GPRC5A: variants seen among roughly 807,000 people sequenced by gnomAD.
The protein encoded by GPRC5A is retinoic acid-induced protein 3.
GPRC5A carries 19 observed loss-of-function variants against 22.5 expected under a neutral mutation model. The ratio of observed to expected loss-of-function variants is 0.85; its 90% CI spans 0.59 to 1.24. GPRC5A has a LOEUF of 1.24. GPRC5A is among the 50% of genes most tolerant of loss of function. The pLI, the probability that GPRC5A is intolerant of heterozygous loss-of-function variation, is 0.00. For synonymous variants in GPRC5A, 192 were observed against 184.5 expected, an observed-to-expected ratio of 1.04 and a Z score of -0.33; for missense variants, 471 against 451.1, an observed-to-expected ratio of 1.04 and a Z score of -0.40.
rs752952151 is a variant in GPRC5A, at chr12:12,912,093, A to G, written c.932A>G (p.Glu311Gly). The G allele has an allele frequency of 3.7e-5, 60 of 1,612,566 alleles. No individual in the cohort carries two copies. Among genetic ancestry groups the G allele is most frequent in the Non-Finnish European group, 5.0e-5 (59 of 1,178,714 alleles). The change falls in exon 3 of 4, where the codon GAG (glutamate) becomes GGG (glycine). Residue 311 changes from glutamate to glycine, a missense_variant. By Grantham distance (98) the Glu-to-Gly change is moderately conservative. Transcript: ENST00000014914. ...SQEEITQGFEETGDTLYAPYS... is the reference protein window; with the variant it reads ...SQEEITQGFEGTGDTLYAPYS... ...TGTTCCTCCATTTCAGGTTTTGAAG[A>G]GACAGGGGACACGCTCTATGCCCCC...
In GPRC5A at chr12:12,908,521, G is replaced by A; in HGVS notation, c.272G>A (p.Gly91Glu). The A allele has an allele frequency of 6.2e-7, 1 of 1,614,170 alleles. No homozygotes were observed. Among genetic ancestry groups the A allele is most frequent in the Non-Finnish European group, 8.5e-7 (1 of 1,180,036 alleles). Residue 91 changes from glycine (G) to glutamate (E), a missense_variant, in exon 2 of 4, where the codon GGG becomes GAG. By Grantham distance (98) the Gly-to-Glu change is moderately conservative (BLOSUM62 -2). Transcript: ENST00000014914. Reference protein sequence around the residue: ...LTFAFIIGLDGSTGPTRFFLF... With the variant: ...LTFAFIIGLDESTGPTRFFLF... ...TTCGCCTTCATCATCGGACTGGACG[G>A]GAGCACAGGGCCCACACGCTTCTTC...
chr12:12,909,327 C>T (rs1464482466), intron 2 of GPRC5A, 156 bp downstream of exon 2: 3 of 609,136 alleles, frequency 4.9e-6, no homozygotes, highest in South Asian at 2.2e-5. Flanking sequence ...TTAAAGTCGT[C>T]CAGCCTGTTA....
intron 1 of GPRC5A, among the ~76,000 whole-genome samples, chr12:12,899,231 C>T (rs1421937880): frequency 6.6e-6 from 1 of 152,222 alleles, no homozygotes; most frequent in East Asian, 1.9e-4. Flanking sequence ...CAGCGGGGGT[C>T]TCACTATGCT....
In GPRC5A at chr12:12,914,594, T is replaced by TTCTTTCTTTTTCTTTCTTTCTTTC. The variant is rs59721062; in HGVS notation, c.*2058_*2059insTTCTTTTTCTTTCTTTCTTTCTCT. On this transcript the variant is annotated 3_prime_UTR_variant, in exon 4 of 4. Transcript: ENST00000014914. ...TTTCTTTCTTTCTTTCTTTCTTTCT[T>TTCTTTCTTTTTCTTTCTTTCTTTC]TCTCTCTCTCTCTCTCTCTCTCTTT... 1 of 81,544 alleles carries TTCTTTCTTTTTCTTTCTTTCTTTC rather than the reference T, an allele frequency of 1.2e-5. No individual in the cohort carries two copies. 5.1% of individuals were successfully genotyped at this position (81,544 alleles called of 1,614,324 possible).
intron 1 of GPRC5A, among the ~76,000 whole-genome samples, chr12:12,907,029 G>C (rs557998481): frequency 6.6e-6 from 1 of 151,402 alleles, no homozygotes; most frequent in African/African-American, 2.4e-5. Flanking sequence ...ACTCCAGCCT[G>C]GGCAAAAAGA....
At chr12:12,910,063 C>T (rs139698289) in intron 2 of GPRC5A, among the ~76,000 whole-genome samples, 5 of 152,008 alleles carry the variant, frequency 3.3e-5, no homozygotes, top group South Asian at 2.1e-4. Flanking sequence ...AGAAAGTACT[C>T]CTGCTCATAG....
At chr12:12,896,614 C>T (rs760066934) in intron 1 of GPRC5A, among the ~76,000 whole-genome samples, 3 of 152,162 alleles carry the variant, frequency 2.0e-5, no homozygotes, top group Non-Finnish European at 2.9e-5. Flanking sequence ...AAATAACTTG[C>T]TTTGGGTAAA....
chr12:12,898,124 G>A (rs1863842471), intron 1 of GPRC5A, among the ~76,000 whole-genome samples: 1 of 152,202 alleles, frequency 6.6e-6, no homozygotes, highest in South Asian at 2.1e-4. Context: ...CAGTGTCAAG[G>A]AGCCTGGCTT....
At chr12:12,894,714 T>A (rs1438290450) in intron 1 of GPRC5A, among the ~76,000 whole-genome samples, 9 of 151,842 alleles carry the variant, frequency 5.9e-5, no homozygotes, top group Non-Finnish European at 1.3e-4. Flanking sequence ...CAGCCTTCAG[T>A]ACTTTTTGTT....
chr12:12,908,064 G>T (rs1294862696), intron 1 of GPRC5A, among the ~76,000 whole-genome samples, 179 bp from the exon 2 acceptor site: 1 of 152,244 alleles, frequency 6.6e-6, no homozygotes, highest in African/African-American at 2.4e-5. Context: ...ACAGGTTTTA[G>T]AATTTACTAC....
chr12:12,895,740 G>A (rs1215710431), intron 1 of GPRC5A, among the ~76,000 whole-genome samples: 2 of 150,142 alleles, frequency 1.3e-5, no homozygotes, highest in African/African-American at 4.9e-5. Flanking sequence ...CACTTTGGGA[G>A]GCTGAGGCGG....
chr12:12,917,478 GC>G lies in GPRC5A; in HGVS notation c.*4940del, dbSNP rs1864078011. On this transcript the variant is annotated 3_prime_UTR_variant, in exon 4 of 4. Transcript: ENST00000014914. ...TGGGTCTGTGTTCTTTCTACCGTCA[GC>G]ACCTGTGTGGTCAATTCTGGACACT... 6.6e-6 allele frequency: 1 copy of G among 151,792 alleles called. No homozygotes were observed. Among genetic ancestry groups the G allele is most frequent in the East Asian group, 1.9e-4 (1 of 5,188 alleles). The allele number at this position is 151,792 out of a possible 1,614,324, so 9.4% of individuals were successfully genotyped here. A position where few individuals can be genotyped will look rare whatever the true frequency, so the allele number is the denominator to read the frequency against.
At chr12:12,904,615 A>T (rs548652377) in intron 1 of GPRC5A, among the ~76,000 whole-genome samples, 43 of 152,278 alleles carry the variant, frequency 2.8e-4, no homozygotes, top group African/African-American at 1.0e-3. Context: ...TTGTTGAATG[A>T]ATGACTACAT....
rs1460661467 is a variant in GPRC5A, at chr12:12,912,743, G to A, written c.*204G>A. On this transcript the variant is annotated 3_prime_UTR_variant, in exon 4 of 4. Transcript: ENST00000014914. ...GACTCCAGTTCTTAGAGGCGCTGTA[G>A]TATTTTTTTTTTTTTGTCTCATCCT... 5 of 463,846 alleles carry A rather than the reference G, an allele frequency of 1.1e-5. No homozygotes were observed. Among genetic ancestry groups the A allele is most frequent in the African/African-American group, 7.6e-5 (3 of 39,384 alleles). 28.7% of individuals were successfully genotyped at this position (463,846 alleles called of 1,614,324 possible).
In GPRC5A at chr12:12,912,150, A is replaced by C; in HGVS notation, c.981+8A>C. 6.3e-7 allele frequency: 1 copy of C among 1,596,862 alleles called. No individual in the cohort carries two copies. Reference sequence around the variant, plus strand: ...ACACATTTTCAGCTGCAGGTAAGTGATTTTTTTCTCCCTCTTCATCAAAGG... The same window carrying C: ...ACACATTTTCAGCTGCAGGTAAGTGCTTTTTTTCTCCCTCTTCATCAAAGG... On this transcript the variant is annotated splice_region_variant and intron_variant, in intron 3 of 3. Transcript: ENST00000014914.
chr12:12,893,541 C>T (rs1300158654), intron 1 of GPRC5A, among the ~76,000 whole-genome samples: 1 of 152,120 alleles, frequency 6.6e-6, no homozygotes, highest in East Asian at 1.9e-4. Flanking sequence ...TGTGGTCAGA[C>T]TATATGGTCT....
At chr12:12,900,725 T>C (rs1863874595) in intron 1 of GPRC5A, among the ~76,000 whole-genome samples, 1 of 151,524 alleles carries the variant, frequency 6.6e-6, no homozygotes, top group African/African-American at 2.4e-5. Flanking sequence ...ACCCCATCTC[T>C]ACTAAAAATA....
intron 3 of GPRC5A, 68 bp from the exon 4 acceptor site, chr12:12,912,379 C>A: frequency 9.4e-7 from 1 of 1,061,192 alleles, no homozygotes; most frequent in South Asian, 1.3e-5. Flanking sequence ...GACTTCTGCC[C>A]AGACTGGAGA....
intron 1 of GPRC5A, among the ~76,000 whole-genome samples, chr12:12,900,923 A>AAAAAAAAAAAAC (rs1555104732): frequency 1.3e-4 from 14 of 109,988 alleles, no homozygotes; most frequent in East Asian, 4.1e-4. Context: ...ACAAAAAAAA[A>AAAAAAAAAAAAC]ACAACCCAGA....
Sources: gnomAD v4.1 joint callset for allele counts (sites outside exome capture counted in the v4.1 genomes callset) on GRCh38, gnomAD v4.1.1 for gene constraint, MANE v1.5 for transcripts, NCBI Gene and HGNC (gene_info 2026-07-23, HGNC 2026-07-21) for gene names.